HOOK3: variants seen among roughly 807,000 people sequenced by gnomAD.
HOOK3 encodes the protein protein Hook homolog 3.
Under a neutral mutation model 116.3 loss-of-function variants are expected in HOOK3, and 24 were observed. The observed-to-expected ratio is 0.21, with a 90% CI of 0.15 to 0.29. The LOEUF is 0.29. Ranked by LOEUF, HOOK3 falls within the 10% of genes least tolerant of loss-of-function variation. HOOK3 has a pLI of 1.00. For synonymous variants in HOOK3, 275 were observed against 283.0 expected, an observed-to-expected ratio of 0.97 and a Z score of 0.28; for missense variants, 632 against 830.2, an observed-to-expected ratio of 0.76 and a Z score of 2.93.
At position 43,006,679 on chromosome 8, in the gene HOOK3, A is replaced by G. The variant is rs532184520; in HGVS notation, c.1656-1168A>G. ...TTGGGCTTAGTTGTATTATTCTTTT[A>G]ACTGTTATATTGTATATGTTCTTTG... is the stretch of plus-strand genomic sequence containing the variant. On this transcript the variant is annotated intron_variant, in intron 17 of 21. Coordinates refer to ENST00000307602, the MANE Select transcript of HOOK3 (RefSeq NM_032410.4). Among the ~76,000 whole-genome samples the G allele has an allele frequency of 1.3e-3, 196 of 152,258 alleles. No individual in the cohort carries two copies. The South Asian group carries it at 0.018, about 14-fold the overall frequency.
At chr8:42,930,298 T>G (rs1452615772) in intron 4 of HOOK3, 126 bp downstream of exon 4, 1 of 822,924 alleles carries the variant, frequency 1.2e-6, no homozygotes, top group Admixed American at 4.4e-5. Flanking sequence ...TTTTATAGTT[T>G]CTATAATAGG....
intron 3 of HOOK3, among the ~76,000 whole-genome samples, chr8:42,927,953 C>T (rs1807800745): frequency 6.6e-6 from 1 of 152,094 alleles, no homozygotes; most frequent in African/African-American, 2.4e-5. Flanking sequence ...TCGAGACCAG[C>T]CTGGCCAACA....
At chr8:42,966,424 G>A in intron 9 of HOOK3, 49 bp from the exon 10 acceptor site, 1 of 1,592,282 alleles carries the variant, frequency 6.3e-7, no homozygotes, top group Non-Finnish European at 8.6e-7. Flanking sequence ...TAAGGAGAAT[G>A]AGGAGGCAGT....
intron 14 of HOOK3, among the ~76,000 whole-genome samples, chr8:42,983,925 A>T (rs913620709): frequency 6.6e-6 from 1 of 152,172 alleles, no homozygotes; most frequent in Non-Finnish European, 1.5e-5. Context: ...TTCAAAATGG[A>T]CACTGGCCTT....
chr8:42,971,043 T>C (rs1354596255), intron 11 of HOOK3, among the ~76,000 whole-genome samples: 1 of 152,106 alleles, frequency 6.6e-6, no homozygotes, highest in African/African-American at 2.4e-5. Context: ...TGCCTCGGCC[T>C]CCCAAAGTGC....
intron 15 of HOOK3, among the ~76,000 whole-genome samples, chr8:42,994,235 C>G (rs574712312): frequency 7.9e-4 from 121 of 152,238 alleles, no homozygotes; most frequent in Admixed American, 2.4e-3. Flanking sequence ...AGGCTTGTCT[C>G]AAACTCCTAA....
chr8:43,019,459 C>A lies in HOOK3; in HGVS notation c.*961C>A. 4.8e-6 allele frequency: 1 copy of A among 208,948 alleles called. No individual in the cohort carries two copies. Among genetic ancestry groups the A allele is most frequent in the East Asian group, 7.4e-5 (1 of 13,570 alleles). The allele number at this position is 208,948 out of a possible 1,614,324, so 12.9% of individuals were successfully genotyped here. A position where few individuals can be genotyped will look rare whatever the true frequency, so the allele number is the denominator to read the frequency against. ...TACTTGTTCTTTAATATAAACCCTT[C>A]CATTTTTTAACAATTCCTAACACTT... On this transcript the variant is annotated 3_prime_UTR_variant, in exon 22 of 22. Coordinates refer to ENST00000307602, the MANE Select transcript of HOOK3 (RefSeq NM_032410.4).
chr8:42,917,031 A>T (rs1419467158), intron 2 of HOOK3, among the ~76,000 whole-genome samples: 1 of 152,158 alleles, frequency 6.6e-6, no homozygotes, highest in African/African-American at 2.4e-5. Flanking sequence ...CTGTACTTCT[A>T]CCCAGCCAAC....
At chr8:42,942,200 C>T (rs940652721) in intron 4 of HOOK3, among the ~76,000 whole-genome samples, 1 of 152,028 alleles carries the variant, frequency 6.6e-6, no homozygotes, top group Non-Finnish European at 1.5e-5. Flanking sequence ...TGCAGTGAGC[C>T]GAGATCATGC....
At chr8:42,918,050 G>A (rs1342635165) in intron 2 of HOOK3, among the ~76,000 whole-genome samples, 2 of 152,162 alleles carry the variant, frequency 1.3e-5, no homozygotes, top group African/African-American at 2.4e-5. Flanking sequence ...AACCAAATAC[G>A]TTTGTTTTGG....
intron 6 of HOOK3, among the ~76,000 whole-genome samples, chr8:42,951,107 C>T (rs755118629): frequency 5.3e-5 from 8 of 152,150 alleles, no homozygotes; most frequent in Admixed American, 3.3e-4. Flanking sequence ...CTCACTCTGT[C>T]GTCCAGGCAA....
intron 4 of HOOK3, among the ~76,000 whole-genome samples, chr8:42,939,205 C>G (rs1462494503): frequency 6.6e-6 from 1 of 152,252 alleles, no homozygotes; most frequent in Non-Finnish European, 1.5e-5. Flanking sequence ...CCATTGTCAT[C>G]ATGGCCCGTT....
chr8:42,919,164 A>G (rs1042616696), intron 2 of HOOK3, among the ~76,000 whole-genome samples: 2 of 149,316 alleles, frequency 1.3e-5, no homozygotes, highest in Admixed American at 6.6e-5. Context: ...GCTGCCGGGC[A>G]GAGGGGCTCC....
At chr8:42,898,541 T>G (rs1807108165) in intron 1 of HOOK3, among the ~76,000 whole-genome samples, 1 of 152,190 alleles carries the variant, frequency 6.6e-6, no homozygotes, top group African/African-American at 2.4e-5. Flanking sequence ...GTGGAAGGAA[T>G]AGATTTGGCA....
At position 43,028,909 on chromosome 8, in the gene HOOK3, G is replaced by C. The variant is rs750433617; in HGVS notation, c.*10411G>C. On this transcript the variant is annotated 3_prime_UTR_variant, in exon 22 of 22. Transcript: ENST00000307602. ...TTGATCCAGCAGTGTCGAATTCCAA[G>C]CAAGTTATGATGATTCTTATTGTAG... 3.0e-5 allele frequency: 6 copies of C among 202,698 alleles called. No individual in the cohort carries two copies. The highest frequency in any genetic ancestry group is 6.1e-5 in the Non-Finnish European group (6 of 99,132). The allele number at this position is 202,698 out of a possible 1,614,324, so 12.6% of individuals were successfully genotyped here.
At chr8:43,008,711 G>A (rs1262708976) in intron 18 of HOOK3, among the ~76,000 whole-genome samples, 1 of 145,288 alleles carries the variant, frequency 6.9e-6, no homozygotes, top group Non-Finnish European at 1.5e-5. Flanking sequence ...CCAGGCTGGA[G>A]TGCAGTGGCG....
chr8:42,924,776 C>T (rs1029312598), intron 2 of HOOK3, among the ~76,000 whole-genome samples: 6 of 151,986 alleles, frequency 3.9e-5, no homozygotes, highest in African/African-American at 1.4e-4. Flanking sequence ...AGTTGAAGAC[C>T]GGCCTGGCCA....
intron 1 of HOOK3, among the ~76,000 whole-genome samples, chr8:42,902,811 T>C (rs898896176): frequency 6.6e-6 from 1 of 152,222 alleles, no homozygotes; most frequent in Non-Finnish European, 1.5e-5. Flanking sequence ...TTAGCTCCTT[T>C]CATTCAAAGT....
intron 21 of HOOK3, among the ~76,000 whole-genome samples, chr8:43,017,502 G>A (rs1809746283): frequency 6.6e-6 from 1 of 152,106 alleles, no homozygotes; most frequent in South Asian, 2.1e-4. Context: ...CTAGCCTCAA[G>A]TGATCTTCCC....
Sources: gnomAD v4.1 joint callset for allele counts (sites outside exome capture counted in the v4.1 genomes callset) on GRCh38, gnomAD v4.1.1 for gene constraint, MANE v1.5 for transcripts, NCBI Gene and HGNC (gene_info 2026-07-23, HGNC 2026-07-21) for gene names.